The following DAB1 variants were observed in gnomAD, a reference collection of about 807,000 sequenced individuals.
DAB1 encodes DAB adaptor protein 1, also known as disabled homolog 1.
A neutral mutation model predicts 64.6 loss-of-function variants in DAB1; 15 were observed. The observed-to-expected ratio is 0.23, with a 90% confidence interval of 0.16 to 0.36. The LOEUF (loss-of-function observed/expected upper bound fraction) is 0.36. DAB1 is among the 10% of genes least tolerant of loss of function. The probability of loss-of-function intolerance (pLI) is 1.00; values close to 1 mark genes in which losing one functional copy is unlikely to be tolerated. For synonymous variants in DAB1, 235 were observed against 251.9 expected (o/e 0.93, Z 0.64); for missense variants, 596 against 706.7 (o/e 0.84, Z 1.78).
chr1:58,272,291 T>G lies in DAB1; in HGVS notation n.309+71061A>C, dbSNP rs922499095. ...CTTCATTTCATTATGTACCCAGTAG[T>G]CATTCAGGAGCAGGTTGTTCAGTTT... On this transcript the variant is annotated intron_variant and non_coding_transcript_variant, in intron 4 of 20. Coordinates refer to the DAB1 transcript ENST00000485760. 3.5e-4 allele frequency among the ~76,000 whole-genome samples: 7 copies of G among 19,844 alleles called. 1 individual carries two copies. The highest frequency in any genetic ancestry group is 1.4e-3 in the African/African-American group (7 of 5,026). 13.0% of individuals were successfully genotyped at this position (19,844 alleles called of 152,430 possible). A position where few individuals can be genotyped will look rare whatever the true frequency, so the allele number is the denominator to read the frequency against.
At chr1:57,805,997 A>G (rs1410172214) in intron 6 of DAB1, among the ~76,000 whole-genome samples, 3 of 152,132 alleles carry the variant, frequency 2.0e-5, no homozygotes, top group African/African-American at 7.2e-5. Context: ...AGGTAATGCA[A>G]TCTTGGAAAA....
intron 4 of DAB1, among the ~76,000 whole-genome samples, chr1:58,168,885 T>G (rs1433513845): frequency 1.3e-5 from 2 of 152,146 alleles, no homozygotes; most frequent in African/African-American, 4.8e-5. Flanking sequence ...CTAACAGGTT[T>G]TCAAGAATGC....
At chr1:58,382,993 T>C (rs1040408322) in intron 3 of DAB1, among the ~76,000 whole-genome samples, 5 of 152,194 alleles carry the variant, frequency 3.3e-5, no homozygotes, top group Admixed American at 1.3e-4. Flanking sequence ...GACTTTGTGC[T>C]AATGTGTAAT....
intron 8 of DAB1, among the ~76,000 whole-genome samples, chr1:57,068,829 T>C (rs1332084199): frequency 2.0e-5 from 3 of 152,312 alleles, no homozygotes; most frequent in Admixed American, 1.3e-4. Context: ...AATTAAAATA[T>C]CTAGTTTATA....
At chr1:58,189,919 G>C (rs960503957) in intron 4 of DAB1, among the ~76,000 whole-genome samples, 2 of 152,174 alleles carry the variant, frequency 1.3e-5, no homozygotes, top group African/African-American at 4.8e-5. Context: ...TGAAGTGGTA[G>C]CCAGCTCAAT....
intron 5 of DAB1, among the ~76,000 whole-genome samples, chr1:58,078,930 C>T (rs1009213614): frequency 1.3e-5 from 2 of 152,162 alleles, no homozygotes; most frequent in East Asian, 1.9e-4. Flanking sequence ...CTTTACATAG[C>T]ACCATAGAAA....
intron 3 of DAB1, among the ~76,000 whole-genome samples, chr1:58,420,974 C>T (rs1644765955): frequency 6.6e-6 from 1 of 152,164 alleles, no homozygotes; most frequent in Non-Finnish European, 1.5e-5. Context: ...TACCCTAATG[C>T]ATGAAAGAAA....
intron 7 of DAB1, among the ~76,000 whole-genome samples, chr1:57,505,846 T>C (rs1052040066): frequency 7.2e-5 from 11 of 152,086 alleles, no homozygotes; most frequent in African/African-American, 1.9e-4. Flanking sequence ...AATTTTTGTA[T>C]TTTTTGTAGT....
chr1:57,237,874 A>C (rs1018129774), intron 2 of DAB1, among the ~76,000 whole-genome samples: 3 of 152,230 alleles, frequency 2.0e-5, no homozygotes, highest in African/African-American at 4.8e-5. Context: ...TAGATCTTGA[A>C]GAGTGCATTG....
chr1:57,620,920 C>A (rs574618928), intron 7 of DAB1, among the ~76,000 whole-genome samples: 6 of 152,170 alleles, frequency 3.9e-5, no homozygotes, highest in Non-Finnish European at 7.3e-5. Context: ...ACTGACAAGA[C>A]AATTTGCAGA....
At chr1:58,067,709 CCAA>C (rs1336954956) in intron 5 of DAB1, among the ~76,000 whole-genome samples, 1 of 152,154 alleles carries the variant, frequency 6.6e-6, no homozygotes, top group African/African-American at 2.4e-5. Flanking sequence ...AATTCTGTAG[CCAA>C]CACTCTAGAG....
At chr1:58,147,264 GT>G (rs1352204024) in intron 5 of DAB1, among the ~76,000 whole-genome samples, 6 of 137,786 alleles carry the variant, frequency 4.4e-5, no homozygotes, top group East Asian at 2.2e-4. Flanking sequence ...CTGAGATCAT[GT>G]CACTGCACTC....
At chr1:57,230,337 A>C (rs1351967168) in intron 2 of DAB1, among the ~76,000 whole-genome samples, 1 of 152,048 alleles carries the variant, frequency 6.6e-6, no homozygotes, top group Non-Finnish European at 1.5e-5. Context: ...AAAAAAAAAA[A>C]AACAGCTGCT....
intron 1 of DAB1, among the ~76,000 whole-genome samples, chr1:57,360,443 A>G (rs780827116): frequency 6.6e-6 from 1 of 152,074 alleles, no homozygotes; most frequent in Non-Finnish European, 1.5e-5. Context: ...GCCATCACTA[A>G]TGACAAGATT....
At chr1:57,391,777 ACAC>A (rs1558296727) in intron 1 of DAB1, among the ~76,000 whole-genome samples, 8,313 of 144,746 alleles carry the variant, frequency 0.057, 345 homozygotes, top group African/African-American at 0.12. Flanking sequence ...ACACACACAC[ACAC>A]ACACACACAC....
intron 2 of DAB1, among the ~76,000 whole-genome samples, chr1:58,519,260 G>A (rs1646222912): frequency 6.6e-6 from 1 of 152,104 alleles, no homozygotes; most frequent in Admixed American, 6.6e-5. Flanking sequence ...GTGGGCACTT[G>A]GTAGGTTATA....
intron 6 of DAB1, among the ~76,000 whole-genome samples, chr1:57,701,780 C>T (rs926106234): frequency 2.0e-5 from 3 of 152,044 alleles, no homozygotes; most frequent in African/African-American, 7.2e-5. Flanking sequence ...ATCCATTCTG[C>T]TGTGAAGAGC....
chr1:57,080,529 A>G (rs1296177774), intron 4 of DAB1, among the ~76,000 whole-genome samples: 1 of 152,160 alleles, frequency 6.6e-6, no homozygotes, highest in Non-Finnish European at 1.5e-5. Context: ...CTCTCTAAAC[A>G]TATGCTATAC....
chr1:57,384,234 C>T (rs1681609940), intron 1 of DAB1, among the ~76,000 whole-genome samples: 1 of 152,056 alleles, frequency 6.6e-6, no homozygotes, highest in Non-Finnish European at 1.5e-5. Flanking sequence ...TAAAAACAAA[C>T]AAACAAACAA....
Sources: gnomAD v4.1 joint callset for allele counts (sites outside exome capture counted in the v4.1 genomes callset) on GRCh38, gnomAD v4.1.1 for gene constraint, MANE v1.5 for transcripts, NCBI Gene and HGNC (gene_info 2026-07-23, HGNC 2026-07-21) for gene names.